KCNB2: variants seen among roughly 807,000 people sequenced by gnomAD.
KCNB2 encodes delayed rectifier potassium channel protein.
In KCNB2, 15 loss-of-function variants were observed where a neutral mutation model predicts 61.5. The observed-to-expected ratio is 0.24, with a 90% CI of 0.16 to 0.38. The LOEUF (loss-of-function observed/expected upper bound fraction) is 0.38. KCNB2 is among the 10% of genes least tolerant of loss of function. The pLI is 1.00. For synonymous variants in KCNB2, 457 were observed against 446.0 expected (o/e 1.02, Z -0.31); for missense variants, 828 against 1,125.2 (o/e 0.74, Z 3.78).
intron 2 of KCNB2, among the ~76,000 whole-genome samples, chr8:72,843,147 A>G (rs7000883): frequency 0.63 from 96,158 of 151,960 alleles, 30,847 homozygotes; most frequent in Middle Eastern, 0.81. Context: ...CTTTGTTCTC[A>G]TTGGTTTCAA....
In KCNB2 at chr8:72,719,066, G is replaced by GT. The variant is rs371563096; in HGVS notation, c.579+150763dup. On this transcript the variant is annotated intron_variant, in intron 2 of 2. Transcript: ENST00000523207. ...AAAACATCTGAAGAGAGGCAACAGT[G>GT]TTTTTTTTTTGTTTTGTTCTTTTGC... Among the ~76,000 whole-genome samples the GT allele has an allele frequency of 8.0e-3, 1,179 of 147,250 alleles. 12 individuals are homozygous for GT. Among genetic ancestry groups the GT allele is most frequent in the Middle Eastern group, 0.039 (11 of 282 alleles).
At chr8:72,732,916 T>TA (rs1807772513) in intron 2 of KCNB2, among the ~76,000 whole-genome samples, 1 of 152,004 alleles carries the variant, frequency 6.6e-6, no homozygotes, top group African/African-American at 2.4e-5. Context: ...AACTAAAATG[T>TA]AAGCACTTTG....
intron 2 of KCNB2, among the ~76,000 whole-genome samples, chr8:72,889,342 C>T (rs1805858274): frequency 6.6e-6 from 1 of 152,116 alleles, no homozygotes; most frequent in African/African-American, 2.4e-5. Flanking sequence ...TTTCACACAG[C>T]CTCACTCAAT....
At chr8:72,866,078 A>T (rs1244327363) in intron 2 of KCNB2, among the ~76,000 whole-genome samples, 1 of 152,214 alleles carries the variant, frequency 6.6e-6, no homozygotes, top group Non-Finnish European at 1.5e-5. Flanking sequence ...TGTCATTCAG[A>T]TGTTGGAAAT....
intron 2 of KCNB2, among the ~76,000 whole-genome samples, chr8:72,870,312 TTTG>T (rs1805595319): frequency 6.6e-6 from 1 of 152,182 alleles, no homozygotes; most frequent in African/African-American, 2.4e-5. Context: ...GTGCACTTAT[TTTG>T]TTAAGAGGGT....
chr8:72,635,465 G>T (rs1003084076), intron 2 of KCNB2, among the ~76,000 whole-genome samples: 2 of 152,164 alleles, frequency 1.3e-5, no homozygotes, highest in Admixed American at 1.3e-4. Context: ...TGACAGGAAA[G>T]GCCCCAAAGG....
chr8:72,934,356 T>C (rs907592581), intron 2 of KCNB2, among the ~76,000 whole-genome samples: 2 of 129,274 alleles, frequency 1.5e-5, no homozygotes, highest in Non-Finnish European at 3.1e-5. Context: ...CACTCCAGCC[T>C]GGATGACAGA....
chr8:72,883,604 T>C (rs1805752471), intron 2 of KCNB2, among the ~76,000 whole-genome samples: 1 of 152,212 alleles, frequency 6.6e-6, no homozygotes, highest in African/African-American at 2.4e-5. Context: ...TGTTTTTTTC[T>C]AAGGAATAAA....
chr8:72,781,481 A>T (rs4738278), intron 2 of KCNB2, among the ~76,000 whole-genome samples: 4 of 151,938 alleles, frequency 2.6e-5, no homozygotes, highest in Admixed American at 2.0e-4. Flanking sequence ...AATCCTTTCC[A>T]CATTGCTTTT....
At chr8:72,545,657 G>A (rs1311604559) in intron 1 of KCNB2, among the ~76,000 whole-genome samples, 1 of 151,954 alleles carries the variant, frequency 6.6e-6, no homozygotes, top group Non-Finnish European at 1.5e-5. Flanking sequence ...ACCCTACAAT[G>A]ACCTTTAAGT....
intron 2 of KCNB2, among the ~76,000 whole-genome samples, chr8:72,755,928 G>A (rs1404837789): frequency 1.3e-5 from 2 of 152,140 alleles, no homozygotes; most frequent in Non-Finnish European, 2.9e-5. Flanking sequence ...AGGCTGGCTG[G>A]GGAAGCTGTG....
chr8:72,691,935 A>C (rs1489099186), intron 2 of KCNB2, among the ~76,000 whole-genome samples: 1 of 152,126 alleles, frequency 6.6e-6, no homozygotes, highest in Admixed American at 6.6e-5. Flanking sequence ...TGCTGAATCT[A>C]ATTTTTAAAA....
chr8:72,931,655 A>G (rs753566055), intron 2 of KCNB2, among the ~76,000 whole-genome samples: 2 of 152,128 alleles, frequency 1.3e-5, no homozygotes, highest in Admixed American at 1.3e-4. Context: ...TCTGTTTGCT[A>G]GAGCTGAAAT....
chr8:72,620,638 C>T (rs777455454), intron 2 of KCNB2, among the ~76,000 whole-genome samples: 6 of 151,958 alleles, frequency 3.9e-5, no homozygotes, highest in Non-Finnish European at 5.9e-5. Context: ...GATGGAGTTT[C>T]GCTCTTGTTG....
At chr8:72,613,237 G>A (rs1225963445) in intron 2 of KCNB2, among the ~76,000 whole-genome samples, 1 of 152,030 alleles carries the variant, frequency 6.6e-6, no homozygotes, top group African/African-American at 2.4e-5. Flanking sequence ...ATTATCTCCA[G>A]ATAAATTCAA....
intron 2 of KCNB2, among the ~76,000 whole-genome samples, chr8:72,676,176 A>G (rs1272756676): frequency 6.6e-6 from 1 of 152,148 alleles, no homozygotes; most frequent in African/African-American, 2.4e-5. Context: ...GGAAATGACA[A>G]TATTTCTTTT....
intron 2 of KCNB2, among the ~76,000 whole-genome samples, chr8:72,791,519 A>C (rs1160034976): frequency 6.6e-6 from 1 of 152,180 alleles, no homozygotes; most frequent in Non-Finnish European, 1.5e-5. Flanking sequence ...ACTGCACTCT[A>C]TCCTGGGTGA....
At chr8:72,935,017 T>C (rs574143620) in intron 2 of KCNB2, among the ~76,000 whole-genome samples, 3 of 152,162 alleles carry the variant, frequency 2.0e-5, no homozygotes, top group South Asian at 4.2e-4. Flanking sequence ...CTGTGTACCA[T>C]GTAATTTTTA....
intron 2 of KCNB2, among the ~76,000 whole-genome samples, chr8:72,771,811 A>G (rs1750558463): frequency 6.6e-6 from 1 of 152,200 alleles, no homozygotes; most frequent in Admixed American, 6.5e-5. Context: ...TTATAAAAAG[A>G]AAGCCCAGGC....
Sources: gnomAD v4.1 joint callset for allele counts (sites outside exome capture counted in the v4.1 genomes callset) on GRCh38, gnomAD v4.1.1 for gene constraint, MANE v1.5 for transcripts, NCBI Gene and HGNC (gene_info 2026-07-23, HGNC 2026-07-21) for gene names.